Variants in TMEM25 observed in about 807,000 individuals in gnomAD.
The protein encoded by TMEM25 is 0610039J01Rik.
Under a neutral mutation model 37.0 loss-of-function variants are expected in TMEM25, and 36 were observed. The observed-to-expected ratio is 0.97, with a 90% CI of 0.75 to 1.28. The LOEUF is 1.28. Among genes scored for constraint, TMEM25 ranks in the 50% most tolerant of loss-of-function variants. TMEM25 has a pLI of 0.00. For missense variants in TMEM25, 444 were observed against 477.9 expected (o/e 0.93, Z 0.66); for synonymous variants, 197 against 203.7 (o/e 0.97, Z 0.28).
downstream of TMEM25, chr11:118,546,994 T>A (rs1297065856): frequency 6.6e-6 from 1 of 152,236 alleles, no homozygotes; most frequent in African/African-American, 2.4e-5. Flanking sequence ...TTTGCTTTTT[T>A]CATTTAACAA....
At chr11:118,545,919 T>C (rs372647003) in intron 8 of TMEM25, 2 of 1,383,740 alleles carry the variant, frequency 1.4e-6, no homozygotes, top group African/African-American at 2.8e-5. Context: ...CCACTCTCTC[T>C]CTCTGAAGCA....
Position 118,533,058 on chromosome 11 carries a change from A to T in TMEM25, c.524A>T (p.Asn175Ile). Reference sequence around the variant, plus strand: ...GACCAGGATGGGCCAGTGACTGTCAACACCTCTGACTTCCTGGTGCTGGAT... The same window carrying T: ...GACCAGGATGGGCCAGTGACTGTCATCACCTCTGACTTCCTGGTGCTGGAT... ...WIDQDGPVTV[N>I]TSDFLVLDAQ... The change falls in exon 4 of 9, where the codon AAC becomes ATC. Residue 175 changes from asparagine (N) to isoleucine (I), a missense_variant. Transcript: ENST00000313236. 1 of 1,614,062 alleles carries T rather than the reference A, an allele frequency of 6.2e-7. No individual in the cohort carries two copies. Among genetic ancestry groups the T allele is most frequent in the Non-Finnish European group, 8.5e-7 (1 of 1,180,028 alleles).
chr11:118,543,684 A>G (rs1156342581), intron 8 of TMEM25, among the ~76,000 whole-genome samples: 11 of 151,918 alleles, frequency 7.2e-5, no homozygotes, highest in African/African-American at 2.7e-4. Flanking sequence ...ACAGGGTTTC[A>G]CCATGTTGGC....
intron 8 of TMEM25, among the ~76,000 whole-genome samples, chr11:118,541,946 G>A (rs1280226365): frequency 2.6e-5 from 4 of 152,212 alleles, no homozygotes; most frequent in Admixed American, 6.5e-5. Flanking sequence ...TTGTAGAGAC[G>A]TGGTTTCACT....
chr11:118,546,313 C>A, exon 9 of TMEM25: 1 of 602,042 alleles, frequency 1.7e-6, no homozygotes, highest in East Asian at 2.8e-5. Flanking sequence ...GCCTGGGCAA[C>A]ATGGTGAAAT....
Position 118,531,252 on chromosome 11 carries a change from C to A in TMEM25, c.-28+18C>A. 1 of 382,380 alleles carries A rather than the reference C, an allele frequency of 2.6e-6. No individual in the cohort carries two copies. Among genetic ancestry groups the A allele is most frequent in the South Asian group, 2.7e-5 (1 of 37,704 alleles). The allele number at this position is 382,380 out of a possible 1,614,324, so 23.7% of individuals were successfully genotyped here. ...GGAGCCAGGTGAGCCGCCCCGGTGG[C>A]GGGGGGCGGGGGCGGGATGCTCGGC... On this transcript the variant is annotated intron_variant, in intron 1 of 8. Transcript: ENST00000313236.
rs782405715 is a variant in TMEM25, at chr11:118,532,294, A to C, written c.215A>C (p.Gln72Pro). 3 of 1,614,190 alleles carry C rather than the reference A, an allele frequency of 1.9e-6. No homozygotes were observed. Among genetic ancestry groups the C allele is most frequent in the Non-Finnish European group, 1.7e-6 (2 of 1,180,018 alleles). Residue 72 changes from glutamine (Q) to proline (P), a missense_variant, in exon 3 of 9, where the codon CAG becomes CCG. Coordinates refer to ENST00000313236, the MANE Select transcript of TMEM25 (RefSeq NM_032780.4). Reference protein sequence around the residue: ...RLAWYLDGQLQEASTSRLLSV... With the variant: ...RLAWYLDGQLPEASTSRLLSV... ...GCCTGGTATCTGGATGGACAGCTGCAGGAGGCCAGCACCTCAAGACTGCTG... is the reference window on the plus strand; with the variant it reads ...GCCTGGTATCTGGATGGACAGCTGCCGGAGGCCAGCACCTCAAGACTGCTG...
At chr11:118,536,486 C>T (rs1356668827), downstream of TMEM25, among the ~76,000 whole-genome samples, 9 of 152,204 alleles carry the variant, frequency 5.9e-5, no homozygotes, top group South Asian at 6.2e-4. Context: ...AGCCACACTG[C>T]GCCCGGCCTA....
chr11:118,533,436 G>A lies in TMEM25; in HGVS notation c.690G>A (p.Arg230=). 6.2e-7 allele frequency: 1 copy of A among 1,613,938 alleles called. No individual in the cohort carries two copies. Among genetic ancestry groups the A allele is most frequent in the African/African-American group, 1.3e-5 (1 of 75,050 alleles). ...SLPAPGLLAT[R]VEVPLLGIVV... Reference sequence around the variant, plus strand: ...ATCCTCCAGGGCTTCTGGCTACCCGGGTGGAAGTGCCACTGCTGGGCATTG... The same window carrying A: ...ATCCTCCAGGGCTTCTGGCTACCCGAGTGGAAGTGCCACTGCTGGGCATTG... The change falls in exon 5 of 9, where the codon CGG becomes CGA. Residue 230 remains arginine, a synonymous_variant. Transcript: ENST00000313236.
At position 118,535,345 on chromosome 11, in the gene TMEM25, TA is replaced by T; in HGVS notation, c.*766del. 2 of 1,391,478 alleles carry T rather than the reference TA, an allele frequency of 1.4e-6. No homozygotes were observed. Among genetic ancestry groups the T allele is most frequent in the Non-Finnish European group, 1.9e-6 (2 of 1,075,430 alleles). 86.2% of individuals were successfully genotyped at this position (1,391,478 alleles called of 1,614,324 possible). A position where few individuals can be genotyped will look rare whatever the true frequency, so the allele number is the denominator to read the frequency against. ...GTCTAGTAGCACCCAGGACGGCTTG[TA>T]GCTATGCATCATTTTCCTACGGCGT... is the stretch of plus-strand genomic sequence containing the variant. On this transcript the variant is annotated 3_prime_UTR_variant, in exon 9 of 9. Transcript: ENST00000313236.
chr11:118,545,931 A>C, intron 8 of TMEM25: 5 of 1,266,218 alleles, frequency 3.9e-6, no homozygotes, highest in Non-Finnish European at 5.8e-6. Flanking sequence ...TCTGAAGCAA[A>C]AGAGCTTCTA....
downstream of TMEM25, among the ~76,000 whole-genome samples, chr11:118,536,258 A>T (rs1345951324): frequency 6.6e-6 from 1 of 150,392 alleles, no homozygotes; most frequent in African/African-American, 2.5e-5. Flanking sequence ...CAATGGCGTG[A>T]TCTCGGCTCA....
In TMEM25 at chr11:118,534,443, A is replaced by G; in HGVS notation, c.1028-64A>G. On this transcript the variant is annotated intron_variant, in intron 8 of 8. Transcript: ENST00000313236. The surrounding 1 kb of genome is among the most constrained non-coding windows in gnomAD (Gnocchi z 4.6). ...GCCTCCAAGTGCCCAGGAGGCAGAG[A>G]GAGCTCTCCAAATTCCAAGGAACAA... 1 of 1,611,080 alleles carries G rather than the reference A, an allele frequency of 6.2e-7. No homozygotes were observed. Among genetic ancestry groups the G allele is most frequent in the Non-Finnish European group, 8.5e-7 (1 of 1,178,340 alleles).
At chr11:118,540,522 G>A (rs1195949471), downstream of TMEM25, among the ~76,000 whole-genome samples, 14 of 152,216 alleles carry the variant, frequency 9.2e-5, no homozygotes, top group Non-Finnish European at 1.6e-4. Context: ...CCCTTGGCAA[G>A]ACTGCAAGCT....
At chr11:118,545,546 A>G (rs1555066874) in intron 8 of TMEM25, 1 of 1,460,202 alleles carries the variant, frequency 6.8e-7, no homozygotes, top group Non-Finnish European at 9.6e-7. Flanking sequence ...TCCGGGAATT[A>G]GAGGCCCTTC....
At chr11:118,536,610 T>C (rs1951514041), downstream of TMEM25, among the ~76,000 whole-genome samples, 1 of 152,186 alleles carries the variant, frequency 6.6e-6, no homozygotes, top group African/African-American at 2.4e-5. Flanking sequence ...AAATAAATAA[T>C]ATTTCTTTAA....
intron 3 of TMEM25, chr11:118,532,692 G>T (rs888161971): frequency 1.3e-6 from 1 of 775,664 alleles, no homozygotes; most frequent in Non-Finnish European, 2.0e-6. Flanking sequence ...TGATGATCCC[G>T]CTGGTAAGAA....
downstream of TMEM25, chr11:118,546,972 A>G (rs551167480): frequency 1.3e-5 from 2 of 152,340 alleles, no homozygotes; most frequent in Admixed American, 6.5e-5. Context: ...ATAGTTCTGC[A>G]ACTTGCTGCA....
At chr11:118,540,965 G>A (rs1951570536) in intron 8 of TMEM25, among the ~76,000 whole-genome samples, 1 of 152,130 alleles carries the variant, frequency 6.6e-6, no homozygotes, top group South Asian at 2.1e-4. Context: ...GCAGAATGGG[G>A]AGTGACTACT....
Sources: allele counts gnomAD v4.1 joint callset (sites outside exome capture counted in the v4.1 genomes callset), GRCh38; gene constraint gnomAD v4.1.1; non-coding constraint Gnocchi (gnomAD v3.1); transcripts MANE v1.5; gene names NCBI Gene and HGNC (gene_info 2026-07-23, HGNC 2026-07-21).